Variants in RALYL observed in about 807,000 individuals in gnomAD.
RALYL encodes the protein RNA-binding Raly-like protein.
In RALYL, 29 loss-of-function variants were observed where a neutral mutation model predicts 35.1. The observed-to-expected ratio is 0.83, with a 90% CI of 0.61 to 1.13. The LOEUF is 1.13. Among genes scored for constraint, RALYL ranks in the 50% most tolerant of loss-of-function variants. The pLI, the probability that RALYL is intolerant of heterozygous loss-of-function variation, is 0.00. For missense variants in RALYL, 359 were observed against 360.4 expected, an observed-to-expected ratio of 1.00 and a Z score of 0.03; for synonymous variants, 120 against 127.6, an observed-to-expected ratio of 0.94 and a Z score of 0.40.
chr8:84,573,810 G>A (rs1808645277), intron 2 of RALYL, among the ~76,000 whole-genome samples: 1 of 151,806 alleles, frequency 6.6e-6, no homozygotes, highest in Non-Finnish European at 1.5e-5. Flanking sequence ...CCCATCCACA[G>A]AATTCTTCAC....
rs1325233467 is a variant in RALYL at position 84,466,420 on chromosome 8, G to C, written c.-23-62879G>C. Reference sequence around the variant, plus strand: ...GATAATCATGTGGTTTTTGTCTTTGGCTCTGTTTATATGCTGGATTACATT... The same window carrying C: ...GATAATCATGTGGTTTTTGTCTTTGCCTCTGTTTATATGCTGGATTACATT... On this transcript the variant is annotated intron_variant, in intron 1 of 8. Coordinates refer to ENST00000521268, the MANE Select transcript of RALYL (RefSeq NM_173848.7). 5.4e-5 allele frequency among the ~76,000 whole-genome samples: 8 copies of C among 148,846 alleles called. No individual in the cohort carries two copies. In the East Asian group the frequency reaches 1.4e-3, roughly 26 times the overall value.
chr8:84,678,016 T>C (rs1234701313), intron 2 of RALYL, among the ~76,000 whole-genome samples: 1 of 152,192 alleles, frequency 6.6e-6, no homozygotes, highest in Non-Finnish European at 1.5e-5. Flanking sequence ...CAGAGTGAAG[T>C]CAAGTGATAT....
intron 2 of RALYL, among the ~76,000 whole-genome samples, chr8:84,615,249 G>C (rs752308455): frequency 6.0e-5 from 9 of 151,112 alleles, no homozygotes; most frequent in Middle Eastern, 3.4e-3. Flanking sequence ...CCAGAGGACT[G>C]TTAGAGATTC....
At chr8:84,589,209 A>G (rs1459080353) in intron 2 of RALYL, among the ~76,000 whole-genome samples, 2 of 152,310 alleles carry the variant, frequency 1.3e-5, no homozygotes, top group Middle Eastern at 3.4e-3. Flanking sequence ...TGTTTTAAAC[A>G]TCAATAGTGA....
intron 1 of RALYL, among the ~76,000 whole-genome samples, chr8:84,378,438 T>C (rs945727947): frequency 3.9e-5 from 6 of 152,094 alleles, no homozygotes; most frequent in African/African-American, 1.2e-4. Context: ...ATATGAATAA[T>C]ACATTTCATG....
intron 1 of RALYL, among the ~76,000 whole-genome samples, chr8:84,206,569 A>G (rs1460889013): frequency 6.6e-6 from 1 of 152,192 alleles, no homozygotes; most frequent in African/African-American, 2.4e-5. Flanking sequence ...TTTTCAAGTG[A>G]GAGGTATGAG....
chr8:84,887,890 C>T (rs1843178558), intron 8 of RALYL, 114 bp downstream of exon 8: 1 of 934,230 alleles, frequency 1.1e-6, no homozygotes, highest in Non-Finnish European at 1.6e-6. Context: ...CTCTTATATG[C>T]ATATATTTAA....
intron 1 of RALYL, among the ~76,000 whole-genome samples, chr8:84,314,455 A>G (rs1205392825): frequency 6.6e-6 from 1 of 152,040 alleles, no homozygotes; most frequent in Non-Finnish European, 1.5e-5. Context: ...GTATATATGT[A>G]TATTTATGTA....
intron 2 of RALYL, among the ~76,000 whole-genome samples, chr8:84,559,539 A>T (rs906415867): frequency 4.6e-5 from 7 of 152,090 alleles, no homozygotes; most frequent in Non-Finnish European, 8.8e-5. Context: ...TTTCATGGTG[A>T]TTCATTTTTC....
intron 1 of RALYL, among the ~76,000 whole-genome samples, chr8:84,384,710 C>T (rs545710768): frequency 1.3e-5 from 2 of 151,712 alleles, no homozygotes; most frequent in Non-Finnish European, 2.9e-5. Flanking sequence ...AATTCAAATT[C>T]TCTGATAAGC....
chr8:84,536,985 T>A (rs2135141171), intron 2 of RALYL, among the ~76,000 whole-genome samples: 1 of 152,170 alleles, frequency 6.6e-6, no homozygotes, highest in Admixed American at 6.5e-5. Context: ...TTCCTATATT[T>A]TAAACATCCA....
intron 1 of RALYL, among the ~76,000 whole-genome samples, chr8:84,206,540 A>G (rs1335370832): frequency 6.6e-6 from 1 of 152,346 alleles, no homozygotes; most frequent in East Asian, 1.9e-4. Flanking sequence ...ATTCAATTAG[A>G]GGACAATATG....
At chr8:84,538,109 G>C (rs1242710222) in intron 2 of RALYL, among the ~76,000 whole-genome samples, 1 of 152,198 alleles carries the variant, frequency 6.6e-6, no homozygotes, top group African/African-American at 2.4e-5. Flanking sequence ...CCACGATAGA[G>C]TGAATTGTAG....
chr8:84,331,114 T>A (rs1846722085), intron 1 of RALYL, among the ~76,000 whole-genome samples: 1 of 152,218 alleles, frequency 6.6e-6, no homozygotes. Flanking sequence ...GAAATGTATA[T>A]AAGACATTCT....
At chr8:84,864,531 T>A (rs1838779377) in intron 6 of RALYL, 1 of 190,508 alleles carries the variant, frequency 5.2e-6, no homozygotes, top group East Asian at 1.2e-4. Flanking sequence ...TATATTGAGG[T>A]TAAATCAAAA....
At chr8:84,624,571 T>C (rs1407020957) in intron 2 of RALYL, among the ~76,000 whole-genome samples, 1 of 152,212 alleles carries the variant, frequency 6.6e-6, no homozygotes, top group African/African-American at 2.4e-5. Context: ...TGCATGTGAT[T>C]AGATTGAGCA....
chr8:84,681,209 T>A (rs1357552999), intron 2 of RALYL, among the ~76,000 whole-genome samples: 2 of 152,204 alleles, frequency 1.3e-5, no homozygotes, highest in African/African-American at 2.4e-5. Flanking sequence ...CATTGGTCTA[T>A]ATCTCTGTTT....
intron 6 of RALYL, among the ~76,000 whole-genome samples, chr8:84,870,211 C>G (rs1049926300): frequency 1.3e-5 from 2 of 151,602 alleles, no homozygotes; most frequent in Non-Finnish European, 2.9e-5. Flanking sequence ...TTGTCCTCAA[C>G]AAGACAACCA....
chr8:84,305,877 A>C (rs781469623), intron 1 of RALYL, among the ~76,000 whole-genome samples: 8 of 152,212 alleles, frequency 5.3e-5, no homozygotes, highest in African/African-American at 1.2e-4. Context: ...GTTGAGGAAG[A>C]AAACAAAGAG....
Sources: allele counts gnomAD v4.1 joint callset (sites outside exome capture counted in the v4.1 genomes callset), GRCh38; gene constraint gnomAD v4.1.1; transcripts MANE v1.5; gene names NCBI Gene and HGNC (gene_info 2026-07-23, HGNC 2026-07-21).